LRRC4C: variants seen among roughly 807,000 people sequenced by gnomAD.
The protein encoded by LRRC4C is leucine-rich repeat-containing protein 4C.
A neutral mutation model predicts 33.6 loss-of-function variants in LRRC4C; 5 were observed. The ratio of observed to expected loss-of-function variants is 0.15; its 90% CI spans 0.08 to 0.31. The LOEUF (loss-of-function observed/expected upper bound fraction) is 0.31. Among genes scored for constraint, LRRC4C ranks in the 10% least tolerant of loss-of-function variants. The pLI, the probability that LRRC4C is intolerant of heterozygous loss-of-function variation, is 1.00. For synonymous variants in LRRC4C, 329 were observed against 302.0 expected (o/e 1.09, Z -0.93); for missense variants, 560 against 796.7 (o/e 0.70, Z 3.58).
At chr11:40,574,785 C>T (rs1485572713) in intron 3 of LRRC4C, among the ~76,000 whole-genome samples, 1 of 152,134 alleles carries the variant, frequency 6.6e-6, no homozygotes, top group African/African-American at 2.4e-5. Flanking sequence ...CATACAGACA[C>T]CTAGGTTTAT....
At chr11:40,664,308 G>A (rs900398586) in intron 2 of LRRC4C, among the ~76,000 whole-genome samples, 18 of 152,146 alleles carry the variant, frequency 1.2e-4, no homozygotes, top group African/African-American at 4.1e-4. Flanking sequence ...ACTTTGAGAG[G>A]GAGAGGCAGG....
chr11:40,232,766 C>T (rs533967845), intron 5 of LRRC4C, among the ~76,000 whole-genome samples: 1 of 152,216 alleles, frequency 6.6e-6, no homozygotes, highest in Admixed American at 6.5e-5. Context: ...TTTTTAGGTG[C>T]CATTTCTCAG....
At chr11:41,349,739 C>T (rs796565044) in intron 1 of LRRC4C, among the ~76,000 whole-genome samples, 6 of 152,230 alleles carry the variant, frequency 3.9e-5, no homozygotes, top group South Asian at 2.1e-4. Context: ...GTAAGAACTC[C>T]GGCAACTCTA....
intron 3 of LRRC4C, among the ~76,000 whole-genome samples, chr11:40,410,957 C>T (rs925661563): frequency 2.6e-5 from 4 of 151,930 alleles, no homozygotes. Context: ...GCAGTTAAAG[C>T]CATATCACCA....
At chr11:40,670,953 TG>T (rs1944069618) in intron 2 of LRRC4C, among the ~76,000 whole-genome samples, 1 of 152,086 alleles carries the variant, frequency 6.6e-6, no homozygotes, top group African/African-American at 2.4e-5. Flanking sequence ...TTAGTAGAGA[TG>T]GGGTTTCACC....
intron 4 of LRRC4C, among the ~76,000 whole-genome samples, chr11:40,299,790 A>G (rs1944683131): frequency 1.3e-5 from 2 of 152,212 alleles, no homozygotes; most frequent in South Asian, 4.1e-4. Flanking sequence ...AGCTATGCTA[A>G]TTACAATCAA....
Position 40,637,178 on chromosome 11 carries a change from T to C in LRRC4C, c.-270+10964A>G, listed in dbSNP as rs377463209. On this transcript the variant is annotated intron_variant, in intron 3 of 6. Coordinates refer to ENST00000528697, the MANE Select transcript of LRRC4C (RefSeq NM_001258419.2). ...ATACCATCTTCTTCATTTCTACTGT[T>C]GCTTTCTTCTCTCTTGGGCAACTCT... 1.8e-4 allele frequency among the ~76,000 whole-genome samples: 27 copies of C among 152,334 alleles called. No individual in the cohort carries two copies. The East Asian group carries it at 3.9e-3, about 22-fold the overall frequency.
chr11:40,598,893 G>T (rs1469132377), intron 3 of LRRC4C, among the ~76,000 whole-genome samples: 2 of 152,122 alleles, frequency 1.3e-5, no homozygotes, highest in Non-Finnish European at 2.9e-5. Context: ...GAGTGAAATG[G>T]TGAAGTCTGC....
chr11:40,370,883 A>G (rs1352849380), intron 3 of LRRC4C, among the ~76,000 whole-genome samples: 2 of 152,232 alleles, frequency 1.3e-5, no homozygotes, highest in African/African-American at 4.8e-5. Context: ...CACTGCAGTT[A>G]TGCAGGATTT....
intron 1 of LRRC4C, among the ~76,000 whole-genome samples, chr11:41,085,635 C>T (rs1939915062): frequency 6.6e-6 from 1 of 152,118 alleles, no homozygotes; most frequent in Non-Finnish European, 1.5e-5. Context: ...TGTTATGCTT[C>T]AGGAACCTGA....
intron 2 of LRRC4C, among the ~76,000 whole-genome samples, chr11:40,801,597 A>G (rs1347813331): frequency 6.6e-6 from 1 of 152,224 alleles, no homozygotes; most frequent in Non-Finnish European, 1.5e-5. Context: ...TGTTGTATAT[A>G]TAGAGAAATG....
At chr11:41,333,530 G>C (rs1214743156) in intron 1 of LRRC4C, among the ~76,000 whole-genome samples, 1 of 152,110 alleles carries the variant, frequency 6.6e-6, no homozygotes, top group Non-Finnish European at 1.5e-5. Context: ...AGCAATAATA[G>C]ACATTCAAAC....
At chr11:40,611,738 CAA>C (rs1424731344) in intron 3 of LRRC4C, among the ~76,000 whole-genome samples, 1 of 151,714 alleles carries the variant, frequency 6.6e-6, no homozygotes, top group Non-Finnish European at 1.5e-5. Context: ...AAAAGACATA[CAA>C]ATGGCCAACT....
intron 1 of LRRC4C, among the ~76,000 whole-genome samples, chr11:41,164,399 C>A (rs1355994984): frequency 6.6e-6 from 1 of 151,978 alleles, no homozygotes; most frequent in Admixed American, 6.6e-5. Flanking sequence ...TCCTGAGGAA[C>A]CTGCCTGAGG....
intron 3 of LRRC4C, among the ~76,000 whole-genome samples, chr11:40,616,271 A>T (rs1961819260): frequency 6.6e-6 from 1 of 151,948 alleles, no homozygotes; most frequent in Non-Finnish European, 1.5e-5. Context: ...CAGGTGCTGG[A>T]GAGGGTGTGG....
At chr11:40,328,245 C>T (rs927746451) in intron 3 of LRRC4C, among the ~76,000 whole-genome samples, 9 of 152,126 alleles carry the variant, frequency 5.9e-5, no homozygotes, top group Non-Finnish European at 8.8e-5. Context: ...TATGTAGCCA[C>T]TTTATCCTTA....
chr11:40,751,205 AACAAG>A (rs1948674991), intron 2 of LRRC4C, among the ~76,000 whole-genome samples: 3 of 152,186 alleles, frequency 2.0e-5, no homozygotes, highest in Admixed American at 6.5e-5. Context: ...TAAGAATTGG[AACAAG>A]ACAAGAATGA....
At chr11:40,232,880 C>T (rs1865302738) in intron 5 of LRRC4C, among the ~76,000 whole-genome samples, 1 of 152,202 alleles carries the variant, frequency 6.6e-6, no homozygotes, top group Non-Finnish European at 1.5e-5. Context: ...TTCTTTCCTA[C>T]TTCCAAGCCA....
intron 1 of LRRC4C, among the ~76,000 whole-genome samples, chr11:41,381,314 T>G (rs1953138303): frequency 6.6e-6 from 1 of 152,064 alleles, no homozygotes; most frequent in Admixed American, 6.6e-5. Context: ...GAACCAAATA[T>G]TAAGTAGGTT....
Sources: gnomAD v4.1 joint callset for allele counts (sites outside exome capture counted in the v4.1 genomes callset) on GRCh38, gnomAD v4.1.1 for gene constraint, MANE v1.5 for transcripts, NCBI Gene and HGNC (gene_info 2026-07-23, HGNC 2026-07-21) for gene names.